The following ZBTB44 variants were observed in gnomAD, a reference collection of about 807,000 sequenced individuals.
ZBTB44 encodes zinc finger and BTB domain-containing protein 44.
ZBTB44 carries 15 observed loss-of-function variants against 54.0 expected under a neutral mutation model. The observed-to-expected ratio is 0.28, with a 90% CI of 0.19 to 0.43. The LOEUF (loss-of-function observed/expected upper bound fraction) is 0.43. Ranked by LOEUF, ZBTB44 falls within the 20% of genes least tolerant of loss-of-function variation. The pLI is 1.00. For missense variants in ZBTB44, 487 were observed against 707.1 expected, an observed-to-expected ratio of 0.69 and a Z score of 3.53; for synonymous variants, 230 against 250.1, an observed-to-expected ratio of 0.92 and a Z score of 0.76.
chr11:130,292,311 G>A (rs1421740756), intron 1 of ZBTB44, among the ~76,000 whole-genome samples: 1 of 151,998 alleles, frequency 6.6e-6, no homozygotes, highest in Admixed American at 6.6e-5. Flanking sequence ...CTCTTAATAT[G>A]GCTTATTATA....
At chr11:130,297,097 G>T (rs1272724177) in intron 1 of ZBTB44, among the ~76,000 whole-genome samples, 1 of 152,160 alleles carries the variant, frequency 6.6e-6, no homozygotes, top group Non-Finnish European at 1.5e-5. Flanking sequence ...GTTCTAAAAT[G>T]AATTTTTTCC....
intron 1 of ZBTB44, among the ~76,000 whole-genome samples, chr11:130,262,894 C>T (rs1447660790): frequency 6.6e-6 from 1 of 152,046 alleles, no homozygotes; most frequent in Non-Finnish European, 1.5e-5. Flanking sequence ...CCTGTCTCTA[C>T]AAAAAAACAC....
chr11:130,298,371 T>TG (rs1941785547), intron 1 of ZBTB44, among the ~76,000 whole-genome samples: 1 of 151,532 alleles, frequency 6.6e-6, no homozygotes, highest in Non-Finnish European at 1.5e-5. Context: ...CTCAAACTCC[T>TG]GGGGCTCAAC....
intron 3 of ZBTB44, chr11:130,239,362 T>C (rs935726488): frequency 3.2e-5 from 5 of 154,836 alleles, no homozygotes; most frequent in African/African-American, 4.8e-5. Context: ...GAGGGAGTTA[T>C]GGGTATACAG....
At chr11:130,262,873 C>G (rs1019942529) in intron 1 of ZBTB44, among the ~76,000 whole-genome samples, 9 of 152,094 alleles carry the variant, frequency 5.9e-5, no homozygotes, top group Non-Finnish European at 1.2e-4. Context: ...GCCTGGCCAA[C>G]ATGGCAAAAC....
intron 1 of ZBTB44, among the ~76,000 whole-genome samples, chr11:130,274,250 G>T (rs191212734): frequency 6.6e-6 from 1 of 152,102 alleles, no homozygotes; most frequent in African/African-American, 2.4e-5. Context: ...GCACTTTGGC[G>T]CATTTCAAAT....
chr11:130,284,150 G>C (rs1940757479), intron 1 of ZBTB44, among the ~76,000 whole-genome samples: 1 of 151,966 alleles, frequency 6.6e-6, no homozygotes, highest in Admixed American at 6.6e-5. Context: ...AGGCAAGCAA[G>C]CAAACAGGTA....
intron 1 of ZBTB44, chr11:130,296,335 T>C (rs1383335630): frequency 5.2e-6 from 8 of 1,527,336 alleles, no homozygotes; most frequent in Non-Finnish European, 7.1e-6. Flanking sequence ...AAGCTCGTGG[T>C]CTTCTTTTCA....
Position 130,257,659 on chromosome 11 carries a change from A to T in ZBTB44, c.1018+3197T>A, listed in dbSNP as rs181737323. On this transcript the variant is annotated intron_variant, in intron 2 of 7. Transcript: ENST00000357899. The stretch of plus-strand genomic sequence containing the variant: ...GACTATGAGAGAATAAATTTTTTTT[A>T]AACCATTCAGTTTGCGGTACTTTGT... Among the ~76,000 whole-genome samples, 21 of 152,190 alleles carry T rather than the reference A, an allele frequency of 1.4e-4. 1 individual carries two copies. The highest frequency in any genetic ancestry group is 9.8e-4 in the Admixed American group (15 of 15,286).
chr11:130,313,955 T>TATATATATTTTTTTAAA, intron 1 of ZBTB44, among the ~76,000 whole-genome samples: 1 of 144,558 alleles, frequency 6.9e-6, no homozygotes, highest in African/African-American at 2.6e-5. Flanking sequence ...TGTGTATATA[T>TATATATATTTTTTTAAA]ATATATATAT....
At chr11:130,302,728 C>T (rs1181477063) in intron 1 of ZBTB44, among the ~76,000 whole-genome samples, 1 of 152,350 alleles carries the variant, frequency 6.6e-6, no homozygotes, top group Middle Eastern at 3.4e-3. Context: ...AATCCCAACA[C>T]TTTGGGAGGC....
chr11:130,280,924 T>G (rs2134267532), intron 1 of ZBTB44, among the ~76,000 whole-genome samples: 1 of 152,276 alleles, frequency 6.6e-6, no homozygotes, highest in East Asian at 1.9e-4. Flanking sequence ...GAATAGAACT[T>G]GAGGGAAAGG....
At chr11:130,296,667 A>C (rs1941672921) in intron 1 of ZBTB44, 4 of 1,026,514 alleles carry the variant, frequency 3.9e-6, no homozygotes, top group Non-Finnish European at 6.1e-6. Flanking sequence ...CTTCTACTTG[A>C]AACAATCCAA....
chr11:130,267,619 G>C (rs1017883162), intron 1 of ZBTB44, among the ~76,000 whole-genome samples: 3 of 152,036 alleles, frequency 2.0e-5, no homozygotes, highest in African/African-American at 7.2e-5. Context: ...GTATCCCTAT[G>C]TTGCCCAGGC....
chr11:130,289,010 G>A (rs1344403803), intron 1 of ZBTB44, among the ~76,000 whole-genome samples: 2 of 152,056 alleles, frequency 1.3e-5, no homozygotes, highest in Non-Finnish European at 2.9e-5. Context: ...ACCACAGAAA[G>A]ACAGTTCCAC....
Position 130,227,843 on chromosome 11 carries a change from G to A in ZBTB44, c.*3921C>T, listed in dbSNP as rs1953746193. ...CAGTTTCTTCTATCACTTAATTCTG[G>A]TCTTATTACCTCAGTCTGACTTTCT... On this transcript the variant is annotated 3_prime_UTR_variant, in exon 8 of 8. Coordinates refer to ENST00000357899, the MANE Select transcript of ZBTB44 (RefSeq NM_001301098.2). 1 of 151,852 alleles carries A rather than the reference G, an allele frequency of 6.6e-6. No homozygotes were observed. The highest frequency in any genetic ancestry group is 6.6e-5 in the Admixed American group (1 of 15,242). 9.4% of individuals were successfully genotyped at this position (151,852 alleles called of 1,614,324 possible).
intron 1 of ZBTB44, chr11:130,296,585 G>A (rs1357351280): frequency 7.6e-6 from 7 of 916,524 alleles, no homozygotes; most frequent in Admixed American, 1.7e-5. Context: ...TCATCGTGTA[G>A]GTAGAACAGC....
At chr11:130,313,966 A>ATATTTTTTTT (rs1160244728) in intron 1 of ZBTB44, among the ~76,000 whole-genome samples, 7 of 116,236 alleles carry the variant, frequency 6.0e-5, no homozygotes, top group African/African-American at 1.1e-4. Context: ...ATATATATAT[A>ATATTTTTTTT]TTTTTTTAAA....
chr11:130,309,522 T>C (rs546595713), intron 1 of ZBTB44, among the ~76,000 whole-genome samples: 1 of 152,336 alleles, frequency 6.6e-6, no homozygotes, highest in Non-Finnish European at 1.5e-5. Context: ...TTATCTCCAC[T>C]GATCACATAT....
Sources: gnomAD v4.1 joint callset for allele counts (sites outside exome capture counted in the v4.1 genomes callset) on GRCh38, gnomAD v4.1.1 for gene constraint, MANE v1.5 for transcripts, NCBI Gene and HGNC (gene_info 2026-07-23, HGNC 2026-07-21) for gene names.